Variants in IMPG2 observed in about 807,000 individuals in gnomAD.
The protein encoded by IMPG2 is interphotoreceptor matrix proteoglycan 2, also known as IPM 200.
In IMPG2, 91 loss-of-function variants were observed where a neutral mutation model predicts 129.2. The ratio of observed to expected loss-of-function variants is 0.70; its 90% confidence interval spans 0.59 to 0.84. The LOEUF (loss-of-function observed/expected upper bound fraction) is 0.84. IMPG2 is among the 40% of genes least tolerant of loss of function. The pLI, the probability that IMPG2 is intolerant of heterozygous loss-of-function variation, is 0.00. For missense variants in IMPG2, 1,430 were observed against 1,461.7 expected, an observed-to-expected ratio of 0.98 and a Z score of 0.35; for synonymous variants, 510 against 517.7, an observed-to-expected ratio of 0.99 and a Z score of 0.20.
intron 4 of IMPG2, among the ~76,000 whole-genome samples, chr3:101,285,828 T>G (rs540610787): frequency 1.2e-3 from 179 of 152,324 alleles, no homozygotes; most frequent in African/African-American, 4.2e-3. Context: ...CAAGTGCCAT[T>G]TTGTAACATG....
chr3:101,298,345 T>C (rs1707103362), intron 3 of IMPG2, among the ~76,000 whole-genome samples: 1 of 151,998 alleles, frequency 6.6e-6, no homozygotes. Flanking sequence ...CTTGACTCTT[T>C]ATCCAATTTG....
chr3:101,248,390 T>C (rs1706506746), intron 11 of IMPG2, among the ~76,000 whole-genome samples: 1 of 152,216 alleles, frequency 6.6e-6, no homozygotes, highest in Non-Finnish European at 1.5e-5. Flanking sequence ...GAACTGTAAG[T>C]CCATTAAACC....
chr3:101,275,544 T>A, intron 6 of IMPG2, 119 bp downstream of exon 6: 1 of 764,412 alleles, frequency 1.3e-6, no homozygotes, highest in Non-Finnish European at 2.3e-6. Context: ...AGGATCCATG[T>A]CATTTTTCTA....
intron 17 of IMPG2, 79 bp downstream of exon 17, chr3:101,229,300 AC>A: frequency 1.2e-6 from 1 of 859,110 alleles, no homozygotes. Context: ...ACTCATACAC[AC>A]CCCCACCCAC....
chr3:101,249,023 G>A (rs1422598768), intron 11 of IMPG2, among the ~76,000 whole-genome samples: 8 of 152,050 alleles, frequency 5.3e-5, no homozygotes, highest in African/African-American at 1.7e-4. Flanking sequence ...CCCTGCTTCC[G>A]CCAAGCCTCA....
intron 3 of IMPG2, 96 bp downstream of exon 3, chr3:101,304,050 C>T (rs1040731114): frequency 8.6e-6 from 11 of 1,281,608 alleles, no homozygotes; most frequent in Non-Finnish European, 1.2e-5. Context: ...AAGAGTAATA[C>T]AGGCATTTGC....
intron 11 of IMPG2, among the ~76,000 whole-genome samples, chr3:101,251,876 G>C (rs1030382235): frequency 7.2e-5 from 11 of 152,024 alleles, no homozygotes; most frequent in African/African-American, 2.4e-4. Context: ...GCTAACAATT[G>C]GCAAGGGCAT....
intron 9 of IMPG2, among the ~76,000 whole-genome samples, chr3:101,261,176 C>T (rs889120064): frequency 2.6e-5 from 4 of 152,118 alleles, no homozygotes; most frequent in African/African-American, 9.7e-5. Flanking sequence ...TAGACCATAT[C>T]TACCTCTCCA....
At chr3:101,265,086 A>G (rs2107242075) in intron 9 of IMPG2, among the ~76,000 whole-genome samples, 1 of 152,208 alleles carries the variant, frequency 6.6e-6, no homozygotes, top group African/African-American at 2.4e-5. Context: ...CTCCTGGATC[A>G]GAAGAATTAA....
intron 16 of IMPG2, among the ~76,000 whole-genome samples, chr3:101,230,369 A>G (rs527276877): frequency 2.2e-4 from 34 of 152,282 alleles, no homozygotes; most frequent in African/African-American, 7.5e-4. Flanking sequence ...AGAGAATGAG[A>G]TTTCATTTAT....
chr3:101,316,251 T>C (rs1301715335), intron 2 of IMPG2, among the ~76,000 whole-genome samples: 2 of 152,074 alleles, frequency 1.3e-5, no homozygotes, highest in Non-Finnish European at 1.5e-5. Context: ...AAAAGCCTGA[T>C]AAATTTGACT....
At chr3:101,231,802 C>T (rs920799319) in intron 15 of IMPG2, among the ~76,000 whole-genome samples, 10 of 152,290 alleles carry the variant, frequency 6.6e-5, no homozygotes, top group East Asian at 1.9e-4. Flanking sequence ...TCTTCAACCA[C>T]GCAGCTTTGG....
At chr3:101,255,489 T>C (rs1706588614) in intron 10 of IMPG2, among the ~76,000 whole-genome samples, 1 of 152,170 alleles carries the variant, frequency 6.6e-6, no homozygotes, top group Non-Finnish European at 1.5e-5. Flanking sequence ...GCAACCTCTT[T>C]GTTTATTGTA....
intron 10 of IMPG2, among the ~76,000 whole-genome samples, chr3:101,254,521 G>C (rs546025426): frequency 6.6e-6 from 1 of 152,174 alleles, no homozygotes; most frequent in African/African-American, 2.4e-5. Flanking sequence ...AAGCTAAAAA[G>C]AAGGGATTGC....
At chr3:101,276,859 A>T (rs558820015) in intron 4 of IMPG2, 146 bp from the exon 5 acceptor site, 3 of 647,292 alleles carry the variant, frequency 4.6e-6, no homozygotes, top group Admixed American at 2.8e-5. Flanking sequence ...AAAGTTTTTT[A>T]AAATTAAAAC....
rs142882439 is a variant in IMPG2, at chr3:101,250,658, A to C, written c.1239+3038T>G. 1.1e-4 allele frequency among the ~76,000 whole-genome samples: 17 copies of C among 152,350 alleles called. No individual in the cohort carries two copies. In the East Asian group the frequency reaches 3.1e-3, roughly 28 times the overall value. ...TATTCATCCAGAGGTCTCTACAAGT[A>C]TATATTCCCAAGTGATAAAAGGATT... On this transcript the variant is annotated intron_variant, in intron 11 of 18. Transcript: ENST00000193391.
chr3:101,238,365 A>G (rs1706370018), intron 14 of IMPG2, among the ~76,000 whole-genome samples: 1 of 152,196 alleles, frequency 6.6e-6, no homozygotes, highest in Non-Finnish European at 1.5e-5. Context: ...GGAAATACAG[A>G]GAATCCCACA....
intron 14 of IMPG2, 25 bp from the exon 15 acceptor site, chr3:101,233,016 G>T: frequency 6.9e-6 from 11 of 1,605,238 alleles, no homozygotes; most frequent in Non-Finnish European, 9.4e-6. Context: ...AAAGAATAAT[G>T]CAAGAAAAGG....
At chr3:101,295,394 G>C (rs372873122) in intron 3 of IMPG2, among the ~76,000 whole-genome samples, 1 of 152,278 alleles carries the variant, frequency 6.6e-6, no homozygotes, top group East Asian at 1.9e-4. Flanking sequence ...TTGTAGATGT[G>C]TGGTGTTATC....
Sources: gnomAD v4.1 joint callset for allele counts (sites outside exome capture counted in the v4.1 genomes callset) on GRCh38, gnomAD v4.1.1 for gene constraint, MANE v1.5 for transcripts, NCBI Gene and HGNC (gene_info 2026-07-23, HGNC 2026-07-21) for gene names.